The following PPM1A variants were observed in gnomAD, a reference collection of about 807,000 sequenced individuals.
PPM1A encodes the protein protein phosphatase, Mg2+/Mn2+ dependent 1A, also known as protein phosphatase 1A.
PPM1A carries 7 observed loss-of-function variants against 35.0 expected under a neutral mutation model. The observed-to-expected ratio is 0.20, with a 90% confidence interval of 0.11 to 0.38. The LOEUF (loss-of-function observed/expected upper bound fraction) is 0.38. PPM1A is among the 10% of genes least tolerant of loss of function. The pLI is 1.00. For synonymous variants in PPM1A, 153 were observed against 167.3 expected, an observed-to-expected ratio of 0.91 and a Z score of 0.66; for missense variants, 239 against 467.8, an observed-to-expected ratio of 0.51 and a Z score of 4.51.
chr14:60,287,070 G>T, intron 3 of PPM1A: 1 of 948,290 alleles, frequency 1.1e-6, no homozygotes, highest in Non-Finnish European at 1.3e-6. Context: ...TAATGTATTG[G>T]CACTTTAACT....
intron 1 of PPM1A, among the ~76,000 whole-genome samples, chr14:60,263,118 C>G (rs187772904): frequency 6.6e-6 from 1 of 151,792 alleles, no homozygotes; most frequent in Non-Finnish European, 1.5e-5. Context: ...CTCAGGAGGC[C>G]GAGGCAGGAG....
chr14:60,261,975 A>G (rs1443784350), intron 1 of PPM1A, among the ~76,000 whole-genome samples: 1 of 152,198 alleles, frequency 6.6e-6, no homozygotes, highest in Non-Finnish European at 1.5e-5. Context: ...TAGGATGATT[A>G]TATATTTTAA....
At position 60,296,879 on chromosome 14, in the gene PPM1A, C is replaced by T. The variant is rs1426995637; in HGVS notation, c.*4397C>T. 1 of 296,906 alleles carries T rather than the reference C, an allele frequency of 3.4e-6. No homozygotes were observed. Among genetic ancestry groups the T allele is most frequent in the Non-Finnish European group, 6.2e-6 (1 of 161,078 alleles). The allele number at this position is 296,906 out of a possible 1,614,324, so 18.4% of individuals were successfully genotyped here. On this transcript the variant is annotated 3_prime_UTR_variant, in exon 6 of 6. Transcript: ENST00000395076. This position sits in a 1 kb window ranked among gnomAD's most constrained non-coding sequence, Gnocchi z 4.4. ...CTAATTTTGTTCACAGATTCTTTCC[C>T]TTTCGATTGTTCTGTATGTTAAGAT...
Position 60,292,626 on chromosome 14 carries a change from G to A in PPM1A, c.*144G>A. 1 of 503,800 alleles carries A rather than the reference G, an allele frequency of 2.0e-6. No individual in the cohort carries two copies. Among genetic ancestry groups the A allele is most frequent in the Admixed American group, 3.8e-5 (1 of 26,598 alleles). The allele number at this position is 503,800 out of a possible 1,614,324, so 31.2% of individuals were successfully genotyped here. ...ATGATTACATCAGAGAACTTCAGCAGTACAACAGCTAGCCCAGAACTGATT... is the reference window on the plus strand; with the variant it reads ...ATGATTACATCAGAGAACTTCAGCAATACAACAGCTAGCCCAGAACTGATT... On this transcript the variant is annotated 3_prime_UTR_variant, in exon 6 of 6. Coordinates refer to ENST00000395076, the MANE Select transcript of PPM1A (RefSeq NM_021003.5). This position sits in a 1 kb window ranked among gnomAD's most constrained non-coding sequence, Gnocchi z 4.2.
At chr14:60,255,221 G>C (rs570550622) in intron 1 of PPM1A, among the ~76,000 whole-genome samples, 2 of 141,724 alleles carry the variant, frequency 1.4e-5, no homozygotes, top group Non-Finnish European at 3.0e-5. Context: ...GCCCAGGCTG[G>C]AGTGCAGTGG....
chr14:60,248,041 C>A (rs1479104414), upstream of PPM1A, among the ~76,000 whole-genome samples: 1 of 152,094 alleles, frequency 6.6e-6, no homozygotes, highest in Non-Finnish European at 1.5e-5. Flanking sequence ...AATTCGTGAA[C>A]TGGTTAAGCC....
rs974563184 is a variant in PPM1A at position 60,287,921 on chromosome 14, G to A, written c.953-1885G>A. 3.0e-6 allele frequency: 3 copies of A among 985,288 alleles called. No homozygotes were observed. The South Asian group carries it at 1.4e-4, about 46-fold the overall frequency. 61.0% of individuals were successfully genotyped at this position (985,288 alleles called of 1,614,324 possible). A position where few individuals can be genotyped will look rare whatever the true frequency, so the allele number is the denominator to read the frequency against. On this transcript the variant is annotated intron_variant, in intron 3 of 5. Transcript: ENST00000395076. ...AAACTTGGTGGAGGGGAGTGGAAAG[G>A]AGCAGAATGTGTTTGTGTATATGTA...
Position 60,292,748 on chromosome 14 carries a change from TTTTG to T in PPM1A, c.*270_*273del, listed in dbSNP as rs986520610. 3 of 345,914 alleles carry T rather than the reference TTTTG, an allele frequency of 8.7e-6. No homozygotes were observed. The highest frequency in any genetic ancestry group is 8.2e-5 in the South Asian group (1 of 12,228). 21.4% of individuals were successfully genotyped at this position (345,914 alleles called of 1,614,324 possible). On this transcript the variant is annotated 3_prime_UTR_variant, in exon 6 of 6. Transcript: ENST00000395076. This position sits in a 1 kb window ranked among gnomAD's most constrained non-coding sequence, Gnocchi z 4.2. ...GACTCCAGCAATTTTTGTTGTATGA[TTTTG>T]TTTTTTTGTAAAGTGTAATTGTCCT...
intron 1 of PPM1A, among the ~76,000 whole-genome samples, chr14:60,262,521 A>T (rs1314374768): frequency 6.6e-6 from 1 of 152,098 alleles, no homozygotes; most frequent in Non-Finnish European, 1.5e-5. Context: ...TTGTCTCTAC[A>T]AAAAAATTTT....
chr14:60,285,929 G>C, intron 3 of PPM1A, 188 bp downstream of exon 3: 2 of 1,296,542 alleles, frequency 1.5e-6, no homozygotes, highest in South Asian at 2.6e-5. Context: ...AGTTATATTA[G>C]AAATAACAAC....
Position 60,261,739 on chromosome 14 carries a change from A to G in PPM1A, c.-21+12062A>G, listed in dbSNP as rs558681420. Among the ~76,000 whole-genome samples, 63 of 152,314 alleles carry G rather than the reference A, an allele frequency of 4.1e-4. 2 individuals carry two copies. In the South Asian group the frequency reaches 0.013, roughly 32 times the overall value. ...TATCCAGAAAATGGAGCTAAATGAG[A>G]AATTGCAGCTTCCAAAGAAAATCAT... On this transcript the variant is annotated intron_variant, in intron 1 of 5. Transcript: ENST00000395076.
chr14:60,247,361 G>A (rs1881847881), upstream of PPM1A, among the ~76,000 whole-genome samples: 1 of 152,056 alleles, frequency 6.6e-6, no homozygotes, highest in African/African-American at 2.4e-5. Flanking sequence ...CGGGAACAGT[G>A]GCTCACGACT....
chr14:60,288,567 T>G (rs1325581094), intron 3 of PPM1A: 1 of 979,916 alleles, frequency 1.0e-6, no homozygotes, highest in East Asian at 1.1e-4. Flanking sequence ...CTGAGATCCT[T>G]GCTTTTTGTT....
intron 1 of PPM1A, chr14:60,277,032 C>G: frequency 8.3e-7 from 1 of 1,203,086 alleles, no homozygotes; most frequent in South Asian, 1.5e-5. Context: ...TTCAGATCAA[C>G]TGATAATACT....
At chr14:60,250,999 A>G (rs914699274) in intron 1 of PPM1A, among the ~76,000 whole-genome samples, 1 of 152,246 alleles carries the variant, frequency 6.6e-6, no homozygotes, top group African/African-American at 2.4e-5. Flanking sequence ...GAGATTCTCT[A>G]TTCTTAGATG....
At chr14:60,248,989 C>G (rs1881981309), upstream of PPM1A, among the ~76,000 whole-genome samples, 1 of 152,168 alleles carries the variant, frequency 6.6e-6, no homozygotes, top group African/African-American at 2.4e-5. Context: ...AAGGCAAAGG[C>G]GGCGGCAGCA....
chr14:60,247,688 T>A (rs143686413), upstream of PPM1A, among the ~76,000 whole-genome samples: 590 of 149,430 alleles, frequency 3.9e-3, 9 homozygotes, highest in African/African-American at 0.014. Flanking sequence ...CAAAGTCATG[T>A]TGAGAAAATT....
Position 60,284,687 on chromosome 14 carries a change from ATATATATATATGTGTGTGTG to A in PPM1A, c.835-925_835-906del, listed in dbSNP as rs1445257556. Among the ~76,000 whole-genome samples, 273 of 122,942 alleles carry A rather than the reference ATATATATATATGTGTGTGTG, an allele frequency of 2.2e-3. 1 individual carries two copies. Among genetic ancestry groups the A allele is most frequent in the African/African-American group, 0.011 (252 of 22,002 alleles). The allele number at this position is 122,942 out of a possible 152,430, so 80.7% of individuals were successfully genotyped here. ...TTGAGGAATTAATGAGCGTATGTAT[ATATATATATATGTGTGTGTG>A]TATATATATATATACATATATATAT... On this transcript the variant is annotated intron_variant, in intron 2 of 5. Coordinates refer to ENST00000395076, the MANE Select transcript of PPM1A (RefSeq NM_021003.5).
intron 1 of PPM1A, among the ~76,000 whole-genome samples, chr14:60,274,592 G>T (rs1055208943): frequency 6.6e-6 from 1 of 150,964 alleles, no homozygotes; most frequent in African/African-American, 2.5e-5. Flanking sequence ...TCTAGTAGAG[G>T]ATTTATTATC....
Sources: gnomAD v4.1 joint callset for allele counts (sites outside exome capture counted in the v4.1 genomes callset) on GRCh38, gnomAD v4.1.1 for gene constraint, Gnocchi (gnomAD v3.1) non-coding constraint, MANE v1.5 for transcripts, NCBI Gene and HGNC (gene_info 2026-07-23, HGNC 2026-07-21) for gene names.